ZNF521: variants seen among roughly 807,000 people sequenced by gnomAD.
The protein encoded by ZNF521 is zinc finger protein 521, also known as LYST-interacting protein 3.
In ZNF521, 14 loss-of-function variants were observed where a neutral mutation model predicts 105.5. The observed-to-expected ratio is 0.13, with a 90% CI of 0.09 to 0.21. ZNF521 has a LOEUF of 0.21. Ranked by LOEUF, ZNF521 falls within the 10% of genes least tolerant of loss-of-function variation. The pLI, the probability that ZNF521 is intolerant of heterozygous loss-of-function variation, is 1.00. For missense variants in ZNF521, 1,233 were observed against 1,629.7 expected (o/e 0.76, Z 4.19); for synonymous variants, 635 against 606.0 (o/e 1.05, Z -0.70).
At chr18:25,303,041 C>A (rs938821401) in intron 3 of ZNF521, 1 of 152,180 alleles carries the variant, frequency 6.6e-6, no homozygotes, top group African/African-American at 2.4e-5. Context: ...ACTCAGGCAG[C>A]AGGGCCTGTT....
intron 3 of ZNF521, among the ~76,000 whole-genome samples, chr18:25,286,400 A>C (rs1228672497): frequency 6.6e-6 from 1 of 152,222 alleles, no homozygotes; most frequent in African/African-American, 2.4e-5. Context: ...GAGGATGAAC[A>C]GCACCAGCTT....
chr18:25,229,601 G>C (rs1275837572), intron 3 of ZNF521, among the ~76,000 whole-genome samples: 2 of 151,450 alleles, frequency 1.3e-5, no homozygotes, highest in Non-Finnish European at 2.9e-5. Flanking sequence ...CCTTAAAAAA[G>C]TGTTGTCACC....
Position 25,226,649 on chromosome 18 carries a change from A to T in ZNF521, c.1269T>A (p.Ile423=). The change falls in exon 4 of 8, where the codon ATT becomes ATA. Residue 423 remains isoleucine (I), a synonymous_variant. Transcript: ENST00000361524. The surrounding 1 kb of genome is among the most constrained non-coding windows in gnomAD (Gnocchi z 4.1). ...TATCTAAGTGCATAGTTTTCAGGTG[A>T]ATCTGCAGAACTGCAAGACTTGAAA... ...QLFSSLAVLQ[I]HLKTMHLDKP... 1 of 1,614,190 alleles carries T rather than the reference A, an allele frequency of 6.2e-7. No homozygotes were observed.
intron 5 of ZNF521, among the ~76,000 whole-genome samples, chr18:25,105,786 T>A (rs959988550): frequency 6.6e-6 from 1 of 152,126 alleles, no homozygotes; most frequent in African/African-American, 2.4e-5. Flanking sequence ...TCGGAGCAAA[T>A]TTTTAGTTAA....
intron 3 of ZNF521, among the ~76,000 whole-genome samples, chr18:25,316,166 G>GAGAAAGCAGCA (rs1912600261): frequency 6.6e-6 from 1 of 151,918 alleles, no homozygotes; most frequent in Non-Finnish European, 1.5e-5. Context: ...AGAATAAATT[G>GAGAAAGCAGCA]AGAAAGCAGC....
chr18:25,264,496 T>C (rs1289638577), intron 3 of ZNF521, among the ~76,000 whole-genome samples: 1 of 152,220 alleles, frequency 6.6e-6, no homozygotes, highest in African/African-American at 2.4e-5. Context: ...AATTATATGA[T>C]GATAATTTGA....
intron 3 of ZNF521, among the ~76,000 whole-genome samples, chr18:25,262,192 G>A (rs1908957424): frequency 6.6e-6 from 1 of 151,894 alleles, no homozygotes; most frequent in Admixed American, 6.6e-5. Flanking sequence ...CCTCCCACAA[G>A]ACCTGCTCTG....
chr18:25,190,772 C>T (rs750351075), intron 5 of ZNF521, among the ~76,000 whole-genome samples: 5 of 152,156 alleles, frequency 3.3e-5, no homozygotes, highest in South Asian at 4.1e-4. Flanking sequence ...CTGTTAAGAA[C>T]GGATTTACTC....
intron 4 of ZNF521, among the ~76,000 whole-genome samples, chr18:25,196,700 C>A (rs1277049589): frequency 6.6e-6 from 1 of 151,620 alleles, no homozygotes; most frequent in East Asian, 1.9e-4. Context: ...TTGACTACAC[C>A]GAGCTGTTTA....
intron 3 of ZNF521, among the ~76,000 whole-genome samples, chr18:25,278,346 CAA>C (rs1910163724): frequency 6.6e-6 from 1 of 152,182 alleles, no homozygotes; most frequent in African/African-American, 2.4e-5. Context: ...GTATTTCCAA[CAA>C]AGAGGAGATT....
intron 3 of ZNF521, among the ~76,000 whole-genome samples, chr18:25,284,547 G>A (rs991531320): frequency 6.6e-6 from 1 of 152,146 alleles, no homozygotes; most frequent in African/African-American, 2.4e-5. Context: ...AGACGAGAGC[G>A]CTGAGGGCCG....
At chr18:25,110,964 T>C (rs1162625655) in intron 5 of ZNF521, among the ~76,000 whole-genome samples, 1 of 152,060 alleles carries the variant, frequency 6.6e-6, no homozygotes, top group South Asian at 2.1e-4. Context: ...GGTTTCACCA[T>C]GTTGGCCAGG....
At chr18:25,175,287 T>C (rs530488241) in intron 5 of ZNF521, among the ~76,000 whole-genome samples, 16 of 152,198 alleles carry the variant, frequency 1.1e-4, no homozygotes, top group African/African-American at 3.6e-4. Context: ...CTGGAATCCA[T>C]GGGGGTCAGG....
chr18:25,170,175 C>G (rs78569512), intron 5 of ZNF521, among the ~76,000 whole-genome samples: 33 of 151,536 alleles, frequency 2.2e-4, no homozygotes, highest in African/African-American at 8.0e-4. Context: ...CCACCAAAGG[C>G]GGCGTTCAAT....
intron 5 of ZNF521, among the ~76,000 whole-genome samples, chr18:25,193,079 C>T (rs1362923665): frequency 1.3e-5 from 2 of 152,038 alleles, no homozygotes; most frequent in Middle Eastern, 3.4e-3. Context: ...ATGCTCAGGT[C>T]CCAAGAGGTA....
At chr18:25,323,991 T>C (rs903558808) in intron 2 of ZNF521, among the ~76,000 whole-genome samples, 2 of 152,146 alleles carry the variant, frequency 1.3e-5, no homozygotes, top group African/African-American at 4.8e-5. Context: ...TTTTCAAAAT[T>C]AACACACTGT....
At chr18:25,152,930 G>T (rs2035076035) in intron 5 of ZNF521, among the ~76,000 whole-genome samples, 1 of 152,126 alleles carries the variant, frequency 6.6e-6, no homozygotes, top group Non-Finnish European at 1.5e-5. Context: ...GGCCACGATG[G>T]GATGGAAGTT....
chr18:25,320,810 G>A (rs1011640082), intron 3 of ZNF521, among the ~76,000 whole-genome samples: 1 of 152,102 alleles, frequency 6.6e-6, no homozygotes, highest in East Asian at 1.9e-4. Flanking sequence ...ATTTATATAA[G>A]CAACATCAAT....
At chr18:25,341,398 T>A (rs546011091) in intron 2 of ZNF521, among the ~76,000 whole-genome samples, 1 of 152,198 alleles carries the variant, frequency 6.6e-6, no homozygotes, top group South Asian at 2.1e-4. Flanking sequence ...GAACCTCCAA[T>A]CACTTTAAAG....
Sources: gnomAD v4.1 joint callset for allele counts (sites outside exome capture counted in the v4.1 genomes callset) on GRCh38, gnomAD v4.1.1 for gene constraint, Gnocchi (gnomAD v3.1) non-coding constraint, MANE v1.5 for transcripts, NCBI Gene and HGNC (gene_info 2026-07-23, HGNC 2026-07-21) for gene names.